Variants in SEPTIN11 observed in about 807,000 individuals in gnomAD.
SEPTIN11 encodes the protein septin-11.
SEPTIN11 carries 25 observed loss-of-function variants against 51.4 expected under a neutral mutation model. The ratio of observed to expected loss-of-function variants is 0.49; its 90% confidence interval spans 0.35 to 0.68. The LOEUF (loss-of-function observed/expected upper bound fraction) is 0.68, where lower values mean the gene tolerates loss of function less well. Ranked by LOEUF, SEPTIN11 falls within the 30% of genes least tolerant of loss-of-function variation. The pLI is 0.00. For synonymous variants in SEPTIN11, 174 were observed against 184.1 expected (o/e 0.95, Z 0.44); for missense variants, 381 against 520.8 (o/e 0.73, Z 2.61).
At chr4:77,007,379 G>GATC (rs989050119) in intron 3 of SEPTIN11, among the ~76,000 whole-genome samples, 1 of 152,152 alleles carries the variant, frequency 6.6e-6, no homozygotes, top group African/African-American at 2.4e-5. Flanking sequence ...ACTTTTTCAG[G>GATC]ATCCCTCCCC....
chr4:77,006,328 G>A (rs1724475428), intron 3 of SEPTIN11, among the ~76,000 whole-genome samples: 1 of 152,112 alleles, frequency 6.6e-6, no homozygotes, highest in Admixed American at 6.5e-5. Flanking sequence ...TATAAACCAT[G>A]TAAGTTTGGG....
chr4:76,981,752 T>C (rs1722780370), intron 1 of SEPTIN11, among the ~76,000 whole-genome samples: 1 of 152,174 alleles, frequency 6.6e-6, no homozygotes, highest in Non-Finnish European at 1.5e-5. Flanking sequence ...GCATTTTTTT[T>C]TTTTTTCATG....
At chr4:76,957,681 G>A (rs1721622081) in intron 1 of SEPTIN11, among the ~76,000 whole-genome samples, 1 of 151,876 alleles carries the variant, frequency 6.6e-6, no homozygotes, top group South Asian at 2.1e-4. Context: ...AGTGGGAACT[G>A]AGCAATTGCC....
At chr4:76,956,962 ATGTGTGTG>A (rs202035045) in intron 1 of SEPTIN11, among the ~76,000 whole-genome samples, 8 of 119,118 alleles carry the variant, frequency 6.7e-5, no homozygotes, top group African/African-American at 2.3e-4. Context: ...TAGTAGAATG[ATGTGTGTG>A]TGTGTGTGTG....
intron 7 of SEPTIN11, among the ~76,000 whole-genome samples, chr4:77,026,417 C>G (rs975083486): frequency 6.6e-6 from 1 of 152,144 alleles, no homozygotes; most frequent in Non-Finnish European, 1.5e-5. Flanking sequence ...AAAACTAGAC[C>G]ATTTTGCCTT....
intron 2 of SEPTIN11, among the ~76,000 whole-genome samples, chr4:77,001,039 T>C (rs1427258943): frequency 6.6e-6 from 1 of 152,184 alleles, no homozygotes; most frequent in Non-Finnish European, 1.5e-5. Flanking sequence ...TTCTAATTAA[T>C]AATACAATCC....
intron 5 of SEPTIN11, 64 bp from the exon 6 acceptor site, chr4:77,019,101 A>G (rs527417586): frequency 6.9e-7 from 1 of 1,454,100 alleles, no homozygotes; most frequent in Non-Finnish European, 9.4e-7. Flanking sequence ...GAAGATAGAG[A>G]CTGGTGGAAA....
intron 5 of SEPTIN11, among the ~76,000 whole-genome samples, chr4:77,016,611 T>TATAC (rs1553975016): frequency 1.6e-4 from 13 of 82,858 alleles, no homozygotes; most frequent in South Asian, 3.8e-4. Flanking sequence ...TATATATATA[T>TATAC]ACACATATAT....
chr4:76,988,268 A>G (rs142496194), intron 1 of SEPTIN11, among the ~76,000 whole-genome samples: 69 of 152,306 alleles, frequency 4.5e-4, no homozygotes, highest in Non-Finnish European at 7.6e-4. Context: ...GGATAGCTTT[A>G]TGGTTATGTA....
At chr4:77,005,515 C>G in intron 2 of SEPTIN11, 86 bp from the exon 3 acceptor site, 2 of 1,217,784 alleles carry the variant, frequency 1.6e-6, no homozygotes, top group South Asian at 3.1e-5. Flanking sequence ...ACTTTATAAT[C>G]ATGACTAATA....
chr4:77,031,195 C>A lies in SEPTIN11; in HGVS notation c.1274+225C>A, dbSNP rs1177549348. ...TACCACAATTGACCAAGCAATCAGG[C>A]CTGGAGGAACCTGTTGTCTCCAGTA... is the stretch of plus-strand genomic sequence containing the variant. On this transcript the variant is annotated intron_variant, in intron 9 of 9. Transcript: ENST00000264893. The A allele has an allele frequency of 6.3e-6, 3 of 472,930 alleles. No individual in the cohort carries two copies. In the East Asian group the frequency reaches 1.3e-4, roughly 20 times the overall value. The allele number at this position is 472,930 out of a possible 1,614,324, so 29.3% of individuals were successfully genotyped here. A position where few individuals can be genotyped will look rare whatever the true frequency, so the allele number is the denominator to read the frequency against.
At position 76,949,842 on chromosome 4, in the gene SEPTIN11, T is replaced by C; in HGVS notation, c.-62T>C. The C allele has an allele frequency of 2.0e-6, 3 of 1,497,568 alleles. No individual in the cohort carries two copies. The allele number at this position is 1,497,568 out of a possible 1,614,324, so 92.8% of individuals were successfully genotyped here. A position where few individuals can be genotyped will look rare whatever the true frequency, so the allele number is the denominator to read the frequency against. ...GGGAGGCGAGCCGGAGCCCGAGCAC[T>C]AGCAGCAGCCGGAGTCGGCGTAAAG... is the stretch of plus-strand genomic sequence containing the variant. On this transcript the variant is annotated 5_prime_UTR_variant, in exon 1 of 10. An upstream open reading frame in the 5' UTR loses its in-frame stop. Transcript: ENST00000264893.
chr4:76,961,310 A>G (rs964891362), intron 1 of SEPTIN11, among the ~76,000 whole-genome samples: 8 of 152,120 alleles, frequency 5.3e-5, no homozygotes, highest in Admixed American at 2.0e-4. Context: ...AGGCGAGGAT[A>G]AAAAGGGCAC....
At chr4:77,014,695 G>A (rs912739824) in intron 4 of SEPTIN11, among the ~76,000 whole-genome samples, 161 bp from the exon 5 acceptor site, 6 of 135,986 alleles carry the variant, frequency 4.4e-5, no homozygotes, top group South Asian at 2.3e-4. Context: ...CATAGGAGGC[G>A]TATATATTTA....
intron 5 of SEPTIN11, among the ~76,000 whole-genome samples, chr4:77,016,633 C>CACACATATATATATATATATAT (rs1375044162): frequency 6.2e-4 from 45 of 72,736 alleles, no homozygotes; most frequent in South Asian, 1.3e-3. Flanking sequence ...TATATATACA[C>CACACATATATATATATATATAT]ATATATATAT....
At position 77,020,614 on chromosome 4, in the gene SEPTIN11, C is replaced by A; in HGVS notation, c.897C>A (p.Arg299=). ...CCCGCCACTATGAATTGTACCGACG[C>A]TGTAAGCTTGAAGAGATGGGGTTCA... ...THTRHYELYR[R]CKLEEMGFKD... Residue 299 remains arginine (R), a synonymous_variant, in exon 7 of 10, where the codon CGC becomes CGA. Coordinates refer to ENST00000264893, the MANE Select transcript of SEPTIN11 (RefSeq NM_018243.4). The A allele has an allele frequency of 6.2e-7, 1 of 1,614,122 alleles. No individual in the cohort carries two copies. The highest frequency in any genetic ancestry group is 2.2e-5 in the East Asian group (1 of 44,868).
chr4:76,994,555 T>C (rs960630449), intron 1 of SEPTIN11, among the ~76,000 whole-genome samples: 4 of 152,250 alleles, frequency 2.6e-5, no homozygotes, highest in Admixed American at 6.5e-5. Flanking sequence ...TCAAGGAAAC[T>C]ATTCATAGAC....
chr4:76,957,717 C>G (rs763544300), intron 1 of SEPTIN11, among the ~76,000 whole-genome samples: 2 of 152,078 alleles, frequency 1.3e-5, no homozygotes, highest in Non-Finnish European at 2.9e-5. Flanking sequence ...CTGAACCACA[C>G]AGGCTTCCCA....
chr4:76,977,508 G>A (rs1165609400), intron 1 of SEPTIN11, among the ~76,000 whole-genome samples: 1 of 152,146 alleles, frequency 6.6e-6, no homozygotes, highest in East Asian at 1.9e-4. Context: ...GTAGGCTTTA[G>A]AATAATGAAT....
Sources: allele counts gnomAD v4.1 joint callset (sites outside exome capture counted in the v4.1 genomes callset), GRCh38; gene constraint gnomAD v4.1.1; transcripts MANE v1.5; gene names NCBI Gene and HGNC (gene_info 2026-07-23, HGNC 2026-07-21).